IGF2BP3: variants seen among roughly 807,000 people sequenced by gnomAD.
The protein encoded by IGF2BP3 is insulin like growth factor 2 mRNA binding protein 3, also known as insulin-like growth factor 2 mRNA-binding protein 3.
A neutral mutation model predicts 73.8 loss-of-function variants in IGF2BP3; 9 were observed. That is an observed-to-expected ratio of 0.12 (90% CI 0.07 to 0.21). The LOEUF (loss-of-function observed/expected upper bound fraction) is 0.21, where lower values mean the gene tolerates loss of function less well. Among genes scored for constraint, IGF2BP3 ranks in the 10% least tolerant of loss-of-function variants. The pLI is 1.00. For synonymous variants in IGF2BP3, 258 were observed against 256.7 expected (o/e 1.01, Z -0.05); for missense variants, 542 against 714.0 (o/e 0.76, Z 2.75).
intron 3 of IGF2BP3, among the ~76,000 whole-genome samples, chr7:23,400,011 G>C (rs527611182): frequency 1.3e-5 from 2 of 152,124 alleles, no homozygotes; most frequent in African/African-American, 4.8e-5. Context: ...TGCCACACCA[G>C]GTCCTTGGCT....
intron 10 of IGF2BP3, among the ~76,000 whole-genome samples, chr7:23,320,464 A>C (rs1784106255): frequency 6.6e-6 from 1 of 152,104 alleles, no homozygotes; most frequent in East Asian, 1.9e-4. Flanking sequence ...GCTACCAGTC[A>C]ACTAACAGTT....
intron 10 of IGF2BP3, among the ~76,000 whole-genome samples, chr7:23,325,775 G>T (rs572574628): frequency 3.7e-4 from 56 of 152,108 alleles, no homozygotes; most frequent in African/African-American, 1.3e-3. Flanking sequence ...ATAACACCGC[G>T]TATCTACAAC....
chr7:23,450,321 T>C (rs1788168658), intron 2 of IGF2BP3, among the ~76,000 whole-genome samples: 1 of 152,198 alleles, frequency 6.6e-6, no homozygotes, highest in Admixed American at 6.5e-5. Flanking sequence ...CGTTTCTACC[T>C]GAAGAACTAG....
chr7:23,368,478 G>A (rs542688578), intron 3 of IGF2BP3, among the ~76,000 whole-genome samples: 10 of 152,292 alleles, frequency 6.6e-5, no homozygotes, highest in East Asian at 3.9e-4. Context: ...GGAACTCTAC[G>A]ATAGACAGAA....
intron 3 of IGF2BP3, among the ~76,000 whole-genome samples, chr7:23,397,268 C>T (rs1307733325): frequency 6.6e-6 from 1 of 152,182 alleles, no homozygotes; most frequent in Non-Finnish European, 1.5e-5. Flanking sequence ...ACATAGTAGG[C>T]ACTCTGATAA....
intron 3 of IGF2BP3, among the ~76,000 whole-genome samples, chr7:23,410,516 A>G (rs558690110): frequency 3.8e-4 from 58 of 152,290 alleles, no homozygotes; most frequent in East Asian, 2.5e-3. Context: ...TACACCATTC[A>G]TATATACCGG....
intron 2 of IGF2BP3, among the ~76,000 whole-genome samples, chr7:23,466,598 C>T (rs997294792): frequency 6.6e-6 from 1 of 152,190 alleles, no homozygotes; most frequent in Non-Finnish European, 1.5e-5. Flanking sequence ...ACCTTATGTG[C>T]TTTCCTAAAG....
chr7:23,428,077 G>A (rs1346856547), intron 2 of IGF2BP3, among the ~76,000 whole-genome samples: 2 of 152,092 alleles, frequency 1.3e-5, no homozygotes, highest in Non-Finnish European at 2.9e-5. Context: ...TTAGGAGGCT[G>A]AAGCAGGAGG....
chr7:23,411,356 TG>T (rs1328956460), intron 3 of IGF2BP3, among the ~76,000 whole-genome samples: 7 of 152,076 alleles, frequency 4.6e-5, no homozygotes, highest in Admixed American at 6.6e-5. Flanking sequence ...CCAAAGTGGG[TG>T]GATCACCTGA....
chr7:23,318,891 C>T (rs1243456394), intron 11 of IGF2BP3, among the ~76,000 whole-genome samples: 2 of 152,188 alleles, frequency 1.3e-5, no homozygotes, highest in African/African-American at 2.4e-5. Flanking sequence ...TTGGAAGGAA[C>T]TTAGGTCCAA....
At chr7:23,425,100 G>T (rs1332459655) in intron 2 of IGF2BP3, among the ~76,000 whole-genome samples, 2 of 152,198 alleles carry the variant, frequency 1.3e-5, no homozygotes, top group Non-Finnish European at 2.9e-5. Context: ...CTCATTATTA[G>T]ATATCCACTA....
At chr7:23,336,187 T>G (rs893720034) in intron 10 of IGF2BP3, among the ~76,000 whole-genome samples, 7 of 147,892 alleles carry the variant, frequency 4.7e-5, no homozygotes, top group Admixed American at 1.3e-4. Context: ...TAGTATATAT[T>G]AAAAAAAAAA....
chr7:23,356,348 C>T (rs1210844553), intron 5 of IGF2BP3, among the ~76,000 whole-genome samples: 2 of 151,916 alleles, frequency 1.3e-5, no homozygotes, highest in South Asian at 4.2e-4. Context: ...ACTTGAGCCC[C>T]GCAGTTTGAG....
intron 5 of IGF2BP3, among the ~76,000 whole-genome samples, chr7:23,359,934 G>C (rs968611920): frequency 6.6e-6 from 1 of 151,630 alleles, no homozygotes; most frequent in Non-Finnish European, 1.5e-5. Context: ...TAATGTCCGA[G>C]ACCTTATATA....
intron 2 of IGF2BP3, among the ~76,000 whole-genome samples, chr7:23,430,091 T>TC (rs1028398150): frequency 2.0e-5 from 3 of 151,448 alleles, no homozygotes. Flanking sequence ...TGCCTCTTTT[T>TC]TTTTTTTTTT....
rs11984233 is a variant in IGF2BP3 at position 23,397,859 on chromosome 7, T to G, written c.285+20917A>C. Among the ~76,000 whole-genome samples, 1,361 of 152,260 alleles carry G rather than the reference T, an allele frequency of 8.9e-3. 19 individuals are homozygous for G. Among genetic ancestry groups the G allele is most frequent in the African/African-American group, 0.03 (1,263 of 41,536 alleles). On this transcript the variant is annotated intron_variant, in intron 3 of 14. Coordinates refer to ENST00000258729, the MANE Select transcript of IGF2BP3 (RefSeq NM_006547.3). ...GTTACCTTATATGGCAAAAGGGACT[T>G]TGAGGGTATAAGTAAGTATCTTGAG...
At chr7:23,321,997 ACT>A (rs1262887769) in intron 10 of IGF2BP3, among the ~76,000 whole-genome samples, 3 of 152,130 alleles carry the variant, frequency 2.0e-5, no homozygotes, top group Non-Finnish European at 4.4e-5. Flanking sequence ...AAAACTGGAA[ACT>A]CTTAAAAAGC....
chr7:23,451,619 A>G (rs1020843719), intron 2 of IGF2BP3, among the ~76,000 whole-genome samples: 1 of 152,092 alleles, frequency 6.6e-6, no homozygotes, highest in Non-Finnish European at 1.5e-5. Context: ...ACAGACCTCT[A>G]TCATTCCTTA....
chr7:23,373,652 A>C (rs898584216), intron 3 of IGF2BP3, among the ~76,000 whole-genome samples: 12 of 152,218 alleles, frequency 7.9e-5, no homozygotes, highest in Non-Finnish European at 1.6e-4. Context: ...TCCTCAAAAA[A>C]AATTAAAAAT....
Sources: allele counts gnomAD v4.1 joint callset (sites outside exome capture counted in the v4.1 genomes callset), GRCh38; gene constraint gnomAD v4.1.1; transcripts MANE v1.5; gene names NCBI Gene and HGNC (gene_info 2026-07-23, HGNC 2026-07-21).